The following SMOX variants were observed in gnomAD, a reference collection of about 807,000 sequenced individuals.
SMOX encodes the protein flavin containing amine oxidase.
A neutral mutation model predicts 51.0 loss-of-function variants in SMOX; 22 were observed. The observed-to-expected ratio is 0.43, with a 90% CI of 0.31 to 0.62. SMOX has a LOEUF of 0.62. SMOX is among the 20% of genes least tolerant of loss of function. The pLI, the probability that SMOX is intolerant of heterozygous loss-of-function variation, is 0.10. For missense variants in SMOX, 566 were observed against 777.7 expected (o/e 0.73, Z 3.24); for synonymous variants, 282 against 307.8 (o/e 0.92, Z 0.88).
chr20:4,165,197 AGGCACGTGCCACCACACCT>A (rs1164767413), intron 1 of SMOX, among the ~76,000 whole-genome samples: 1 of 151,740 alleles, frequency 6.6e-6, no homozygotes, highest in African/African-American at 2.4e-5. Flanking sequence ...TGGGATTAAC[AGGCACGTGCCACCACACCT>A]GGCTAATTTT....
At chr20:4,171,911 G>A (rs1284039775) in intron 1 of SMOX, 1 of 152,324 alleles carries the variant, frequency 6.6e-6, no homozygotes, top group Non-Finnish European at 1.5e-5. Context: ...GAGCGGTGAG[G>A]ACAAGCGGGC....
At chr20:4,152,875 G>A (rs1328755711) in intron 1 of SMOX, among the ~76,000 whole-genome samples, 16 of 152,210 alleles carry the variant, frequency 1.1e-4, no homozygotes, top group Non-Finnish European at 1.5e-5. Context: ...ACAGACGGGA[G>A]GACTGAGTCA....
At position 4,177,516 on chromosome 20, in the gene SMOX, C is replaced by G. The variant is rs767939611; in HGVS notation, c.374C>G (p.Thr125Ser). Residue 125 changes from threonine to serine, a missense_variant, in exon 3 of 7, where the codon ACC becomes AGC. Thr to Ser is a moderately conservative substitution (Grantham distance 58, BLOSUM62 1). Coordinates refer to ENST00000305958, the MANE Select transcript of SMOX (RefSeq NM_175839.3). The surrounding 1 kb of genome is among the most constrained non-coding windows in gnomAD (Gnocchi z 4.3). ...AAGAATGGCGTGGCCTGCTACCTTA[C>G]CAACCACGGCCGCAGGATCCCCAAG... Reference protein sequence around the residue: ...YSKNGVACYLTNHGRRIPKDV... With the variant: ...YSKNGVACYLSNHGRRIPKDV... 1 of 1,594,882 alleles carries G rather than the reference C, an allele frequency of 6.3e-7. No homozygotes were observed. Among genetic ancestry groups the G allele is most frequent in the Non-Finnish European group, 8.5e-7 (1 of 1,169,682 alleles).
intron 1 of SMOX, among the ~76,000 whole-genome samples, chr20:4,157,527 G>A (rs553694604): frequency 6.6e-6 from 1 of 152,310 alleles, no homozygotes; most frequent in South Asian, 2.1e-4. Flanking sequence ...CTGAGAGTCA[G>A]AGGATCCTGG....
rs1979309828 is a variant in SMOX at position 4,181,413 on chromosome 20, T to C, written c.436-390T>C. Among the ~76,000 whole-genome samples, 1 of 152,180 alleles carries C rather than the reference T, an allele frequency of 6.6e-6. No individual in the cohort carries two copies. Among genetic ancestry groups the C allele is most frequent in the Non-Finnish European group, 1.5e-5 (1 of 68,036 alleles). ...AGGGGTGGCAGGGAAAGTGCACGTA[T>C]CGTTCTTGGAACAGGTAAATGTGTG... is the stretch of plus-strand genomic sequence containing the variant. On this transcript the variant is annotated intron_variant, in intron 3 of 6. Coordinates refer to ENST00000305958, the MANE Select transcript of SMOX (RefSeq NM_175839.3). The surrounding 1 kb of genome is among the most constrained non-coding windows in gnomAD (Gnocchi z 5.6).
In SMOX at chr20:4,175,049, G is replaced by A. The variant is rs376257218; in HGVS notation, c.-7G>A. ...CTGCAGGTTCCTAGAAGGTGAGCGC[G>A]GACGGTATGCAAAGTTGTGAATCCA... On this transcript the variant is annotated 5_prime_UTR_variant, in exon 2 of 7. Transcript: ENST00000305958. 1.4e-5 allele frequency: 23 copies of A among 1,614,016 alleles called. No homozygotes were observed. The highest frequency in any genetic ancestry group is 2.2e-5 in the East Asian group (1 of 44,884).
chr20:4,159,786 C>T (rs968575413), intron 1 of SMOX, among the ~76,000 whole-genome samples: 4 of 152,208 alleles, frequency 2.6e-5, no homozygotes, highest in Non-Finnish European at 5.9e-5. Context: ...AAATCATGGG[C>T]GCATGGCCCC....
intron 1 of SMOX, among the ~76,000 whole-genome samples, chr20:4,156,417 C>G (rs1465720257): frequency 6.6e-6 from 1 of 152,156 alleles, no homozygotes; most frequent in Non-Finnish European, 1.5e-5. Flanking sequence ...AGAGAGATGC[C>G]AGGCTCCCCT....
Position 4,187,320 on chromosome 20 carries a change from C to T in SMOX, c.1581C>T (p.Ser527=), listed in dbSNP as rs771052570. ...SGEATHRKYY[S]TTHGALLSGQ... is the part of the protein sequence containing the mutation. ...AGGCCACCCACCGCAAGTACTATTC[C>T]ACCACCCACGGTGCTCTGCTGTCCG... The change falls in exon 7 of 7, where the codon TCC becomes TCT. Residue 527 remains serine, a synonymous_variant. Transcript: ENST00000305958. The surrounding 1 kb of genome is among the most constrained non-coding windows in gnomAD (Gnocchi z 4.8). 5 of 1,614,228 alleles carry T rather than the reference C, an allele frequency of 3.1e-6. No homozygotes were observed. The East Asian group carries it at 1.1e-4, about 36-fold the overall frequency.
chr20:4,160,428 T>C (rs1326086308), intron 1 of SMOX, among the ~76,000 whole-genome samples: 1 of 152,178 alleles, frequency 6.6e-6, no homozygotes, highest in Non-Finnish European at 1.5e-5. Flanking sequence ...GGAGCAGGGA[T>C]TGAGCAGTGT....
rs746240762 is a variant in SMOX, at chr20:4,183,397, C to T, written c.1370-97C>T. ...CCTGGCAGTCTGGTCCTCCCGGAGC[C>T]CTGGAGGTGGGGTGGGGGGTTGTCC... On this transcript the variant is annotated intron_variant, in intron 5 of 6. Coordinates refer to ENST00000305958, the MANE Select transcript of SMOX (RefSeq NM_175839.3). This position sits in a 1 kb window ranked among gnomAD's most constrained non-coding sequence, Gnocchi z 4.3. 3.2e-6 allele frequency: 5 copies of T among 1,580,626 alleles called. No homozygotes were observed. The African/African-American group carries it at 5.4e-5, about 17-fold the overall frequency.
At chr20:4,178,333 G>A (rs13040752) in intron 3 of SMOX, among the ~76,000 whole-genome samples, 44,357 of 152,024 alleles carry the variant, frequency 0.29, 8,241 homozygotes, top group Non-Finnish European at 0.41. Flanking sequence ...CACTGCACCC[G>A]GCCTAATTTC....
rs559300216 is a variant in SMOX, at chr20:4,158,101, C to T, written c.-27+9124C>T. Among the ~76,000 whole-genome samples, 89 of 149,248 alleles carry T rather than the reference C, an allele frequency of 6.0e-4. 1 individual carries two copies. In the East Asian group the frequency reaches 8.4e-3, roughly 14 times the overall value. On this transcript the variant is annotated intron_variant, in intron 1 of 6. Coordinates refer to ENST00000305958, the MANE Select transcript of SMOX (RefSeq NM_175839.3). Reference sequence around the variant, plus strand: ...ATTTTTAGTAGAGATGGTGTTTCACCTTGTTAGCCAGGATGGTCTCGATCT... The same window carrying T: ...ATTTTTAGTAGAGATGGTGTTTCACTTTGTTAGCCAGGATGGTCTCGATCT...
chr20:4,161,693 C>T (rs919188867), intron 1 of SMOX, among the ~76,000 whole-genome samples: 3 of 152,204 alleles, frequency 2.0e-5, no homozygotes, highest in African/African-American at 7.2e-5. Flanking sequence ...CCTGTGCAAG[C>T]AGTTAGTTTC....
At position 4,149,646 on chromosome 20, in the gene SMOX, G is replaced by C. The variant is rs1480622835; in HGVS notation, c.-27+669G>C. 6.6e-6 allele frequency among the ~76,000 whole-genome samples: 1 copy of C among 152,186 alleles called. No homozygotes were observed. The highest frequency in any genetic ancestry group is 1.5e-5 in the Non-Finnish European group (1 of 68,028). On this transcript the variant is annotated intron_variant, in intron 1 of 6. Transcript: ENST00000305958. The surrounding 1 kb of genome is among the most constrained non-coding windows in gnomAD (Gnocchi z 6.0). The stretch of plus-strand genomic sequence containing the variant: ...TGTTGGAGGGCTCACTTTGTGGGAG[G>C]GGCTGAGGGAAGCCACTGCCCTGGG...
At chr20:4,186,630 G>GA (rs1979755441) in intron 6 of SMOX, 1 of 694,496 alleles carries the variant, frequency 1.4e-6, no homozygotes, top group African/African-American at 1.8e-5. Context: ...AGCTTTGTGG[G>GA]ATCCCCTGAC....
intron 1 of SMOX, among the ~76,000 whole-genome samples, chr20:4,155,772 T>A (rs1283237229): frequency 6.6e-6 from 1 of 151,682 alleles, no homozygotes; most frequent in Non-Finnish European, 1.5e-5. Context: ...CACTGGTGGG[T>A]TGAGTCCCCC....
chr20:4,183,745 A>G lies in SMOX; in HGVS notation c.1530+91A>G. ...GGTGAGGAGGGCTAGGGTAGTGTTC[A>G]CTAAGGGGTGCTCAGGTGAGGCAGG... On this transcript the variant is annotated intron_variant, in intron 6 of 6. Transcript: ENST00000305958. This position sits in a 1 kb window ranked among gnomAD's most constrained non-coding sequence, Gnocchi z 4.3. 1 of 1,423,906 alleles carries G rather than the reference A, an allele frequency of 7.0e-7. No individual in the cohort carries two copies. The allele number at this position is 1,423,906 out of a possible 1,614,324, so 88.2% of individuals were successfully genotyped here. A position where few individuals can be genotyped will look rare whatever the true frequency, so the allele number is the denominator to read the frequency against.
At position 4,183,581 on chromosome 20, in the gene SMOX, A is replaced by T; in HGVS notation, c.1457A>T (p.Gln486Leu). 6.2e-7 allele frequency: 1 copy of T among 1,613,294 alleles called. No homozygotes were observed. The highest frequency in any genetic ancestry group is 8.5e-7 in the Non-Finnish European group (1 of 1,179,514). The change falls in exon 6 of 7, where the codon CAG becomes CTG. Residue 486 changes from glutamine (Q) to leucine (L), a missense_variant. Gln to Leu is a moderately radical substitution (Grantham distance 113, BLOSUM62 -2). Coordinates refer to ENST00000305958, the MANE Select transcript of SMOX (RefSeq NM_175839.3). This position sits in a 1 kb window ranked among gnomAD's most constrained non-coding sequence, Gnocchi z 4.3. The stretch of plus-strand genomic sequence containing the variant: ...TTCCGCGGCTCCTATTCATACACGC[A>T]GGTGGGCTCCAGCGGGGCGGATGTG... ...PYFRGSYSYT[Q>L]VGSSGADVEK...
Sources: allele counts gnomAD v4.1 joint callset (sites outside exome capture counted in the v4.1 genomes callset), GRCh38; gene constraint gnomAD v4.1.1; non-coding constraint Gnocchi (gnomAD v3.1); transcripts MANE v1.5; gene names NCBI Gene and HGNC (gene_info 2026-07-23, HGNC 2026-07-21).